The following ANO3 variants were observed in gnomAD, a reference collection of about 807,000 sequenced individuals.
ANO3 encodes the protein anoctamin 3, also known as anoctamin-3.
In ANO3, 99 loss-of-function variants were observed where a neutral mutation model predicts 144.8. That is an observed-to-expected ratio of 0.68 (90% CI 0.58 to 0.81). The LOEUF (loss-of-function observed/expected upper bound fraction) is 0.81. Among genes scored for constraint, ANO3 ranks in the 30% least tolerant of loss-of-function variants. The probability of loss-of-function intolerance (pLI) is 0.00; values close to 1 mark genes in which losing one functional copy is unlikely to be tolerated. For missense variants in ANO3, 905 were observed against 1,202.2 expected, an observed-to-expected ratio of 0.75 and a Z score of 3.66; for synonymous variants, 414 against 392.6, an observed-to-expected ratio of 1.05 and a Z score of -0.64.
chr11:26,553,736 A>C (rs2663174), intron 13 of ANO3, among the ~76,000 whole-genome samples: 144,437 of 152,126 alleles, frequency 0.95, 68,628 homozygotes, highest in East Asian at 1. Flanking sequence ...AAAAATCCCC[A>C]AATTGCTGCC....
At chr11:26,500,321 C>T (rs940265943) in intron 4 of ANO3, among the ~76,000 whole-genome samples, 4 of 151,590 alleles carry the variant, frequency 2.6e-5, no homozygotes, top group Non-Finnish European at 5.9e-5. Context: ...GGATATATAC[C>T]TAGGAGTGAA....
In ANO3 at chr11:26,563,221, T is replaced by C. The variant is rs184097596; in HGVS notation, c.1447+3442T>C. The C allele has an allele frequency of 1.9e-6, 3 of 1,611,852 alleles. No homozygotes were observed. Among genetic ancestry groups the C allele is most frequent in the Admixed American group, 3.3e-5 (2 of 59,854 alleles). On this transcript the variant is annotated intron_variant, in intron 14 of 26. Coordinates refer to ENST00000256737, the MANE Select transcript of ANO3 (RefSeq NM_031418.4). ...AGAGTAAGCAATGAGACACCCAGAA[T>C]AGCACCTAAAATGGCCCCGAATACT...
intron 1 of ANO3, among the ~76,000 whole-genome samples, chr11:26,276,503 G>C (rs919707460): frequency 6.6e-6 from 1 of 152,120 alleles, no homozygotes; most frequent in African/African-American, 2.4e-5. Flanking sequence ...GGCTGTCTTA[G>C]GATGGTCATG....
chr11:26,358,389 C>T (rs1004889693), intron 1 of ANO3, among the ~76,000 whole-genome samples: 1 of 152,020 alleles, frequency 6.6e-6, no homozygotes, highest in South Asian at 2.1e-4. Context: ...CCAGAATGGC[C>T]TTGATCTCTT....
chr11:26,418,171 A>C (rs142540863), intron 1 of ANO3, among the ~76,000 whole-genome samples: 78 of 152,232 alleles, frequency 5.1e-4, no homozygotes, highest in African/African-American at 1.7e-3. Context: ...AGAAGTGGGA[A>C]GTTCTATGGT....
At chr11:26,558,586 C>T (rs1255102412) in intron 13 of ANO3, among the ~76,000 whole-genome samples, 1 of 152,098 alleles carries the variant, frequency 6.6e-6, no homozygotes, top group Non-Finnish European at 1.5e-5. Flanking sequence ...CCTTAACCAA[C>T]AATGAATTTT....
chr11:26,242,091 A>T (rs961767685), intron 1 of ANO3, among the ~76,000 whole-genome samples: 19 of 152,226 alleles, frequency 1.2e-4, no homozygotes, highest in African/African-American at 4.6e-4. Flanking sequence ...TAGCCTGAAC[A>T]AAAGCAAAGA....
At chr11:26,334,122 T>C (rs1855133561) in intron 1 of ANO3, among the ~76,000 whole-genome samples, 1 of 152,236 alleles carries the variant, frequency 6.6e-6, no homozygotes, top group Admixed American at 6.5e-5. Flanking sequence ...AATTGTGCAA[T>C]TGCTGGCATT....
intron 23 of ANO3, 131 bp from the exon 24 acceptor site, chr11:26,647,578 T>C: frequency 1.3e-6 from 1 of 742,652 alleles, no homozygotes; most frequent in Non-Finnish European, 2.1e-6. Flanking sequence ...TGAGATAGTA[T>C]AATAAGAAAG....
chr11:26,454,931 A>G (rs1265772594), intron 3 of ANO3, among the ~76,000 whole-genome samples: 1 of 143,318 alleles, frequency 7.0e-6, no homozygotes. Flanking sequence ...ACGTAAATCA[A>G]TAAATGTAAT....
At chr11:26,509,593 G>A (rs950747578) in intron 5 of ANO3, among the ~76,000 whole-genome samples, 14 of 152,098 alleles carry the variant, frequency 9.2e-5, no homozygotes, top group Non-Finnish European at 1.6e-4. Flanking sequence ...GATAACAGGC[G>A]TGAGCTCCTG....
chr11:26,443,922 T>G, intron 3 of ANO3, 86 bp downstream of exon 3: 6 of 877,448 alleles, frequency 6.8e-6, no homozygotes, highest in Non-Finnish European at 1.1e-5. Context: ...GCATTTTTTT[T>G]TTAAGAAAAA....
chr11:26,554,907 T>C (rs1340022267), intron 13 of ANO3, among the ~76,000 whole-genome samples: 6 of 152,160 alleles, frequency 3.9e-5, no homozygotes, highest in Non-Finnish European at 7.3e-5. Context: ...GTTTTATACA[T>C]TTTGTGCATT....
chr11:26,571,109 C>T (rs1191992483), intron 14 of ANO3, among the ~76,000 whole-genome samples: 1 of 152,036 alleles, frequency 6.6e-6, no homozygotes, highest in East Asian at 1.9e-4. Flanking sequence ...GTCATATGAC[C>T]TGCTACCTTG....
intron 17 of ANO3, among the ~76,000 whole-genome samples, chr11:26,621,737 C>T (rs1189707972): frequency 6.6e-6 from 1 of 152,072 alleles, no homozygotes; most frequent in Non-Finnish European, 1.5e-5. Flanking sequence ...TTCTAAAACA[C>T]TAACTGATGC....
chr11:26,601,904 T>C (rs572245283), intron 17 of ANO3, among the ~76,000 whole-genome samples: 7 of 152,276 alleles, frequency 4.6e-5, no homozygotes, highest in African/African-American at 1.7e-4. Flanking sequence ...TTAATAATAG[T>C]AGCTGGTCAT....
chr11:26,465,364 G>A (rs902941176), intron 4 of ANO3, among the ~76,000 whole-genome samples: 1 of 151,598 alleles, frequency 6.6e-6, no homozygotes, highest in Admixed American at 6.6e-5. Flanking sequence ...CATCATATGT[G>A]ACAATTGTGC....
chr11:26,454,062 G>C (rs897771321), intron 3 of ANO3, among the ~76,000 whole-genome samples: 1 of 152,000 alleles, frequency 6.6e-6, no homozygotes, highest in African/African-American at 2.4e-5. Context: ...GAATCTCTGG[G>C]ACACATTCAA....
chr11:26,318,859 A>G lies in ANO3; in HGVS notation c.-3+9140A>G, dbSNP rs529473333. 1.4e-3 allele frequency among the ~76,000 whole-genome samples: 216 copies of G among 152,366 alleles called. 1 individual carries two copies. The highest frequency in any genetic ancestry group is 5.0e-3 in the African/African-American group (206 of 41,584). ...GGATAAATTATGTTGGGCTAAATAT[A>G]TAAGAATTTGTTTTAATGTTTAGTT... On this transcript the variant is annotated intron_variant, in intron 1 of 26. Coordinates refer to the ANO3 transcript ENST00000525139.
Sources: gnomAD v4.1 joint callset for allele counts (sites outside exome capture counted in the v4.1 genomes callset) on GRCh38, gnomAD v4.1.1 for gene constraint, MANE v1.5 for transcripts, NCBI Gene and HGNC (gene_info 2026-07-23, HGNC 2026-07-21) for gene names.